Variants in DLC1 observed in about 807,000 individuals in gnomAD.
The protein encoded by DLC1 is rho GTPase-activating protein 7.
A neutral mutation model predicts 140.3 loss-of-function variants in DLC1; 54 were observed. The ratio of observed to expected loss-of-function variants is 0.38; its 90% CI spans 0.31 to 0.48. The LOEUF (loss-of-function observed/expected upper bound fraction) is 0.48, where lower values mean the gene tolerates loss of function less well. Ranked by LOEUF, DLC1 falls within the 20% of genes least tolerant of loss-of-function variation. The pLI is 0.96. For synonymous variants in DLC1, 986 were observed against 728.1 expected, an observed-to-expected ratio of 1.35 and a Z score of -5.70; for missense variants, 2,536 against 1,907.0, an observed-to-expected ratio of 1.33 and a Z score of -6.14.
intron 4 of DLC1, among the ~76,000 whole-genome samples, chr8:13,390,013 A>C (rs1333549389): frequency 6.6e-6 from 1 of 152,284 alleles, no homozygotes; most frequent in East Asian, 1.9e-4. Flanking sequence ...CTCTTCATAA[A>C]GTATCTAGAC....
intron 2 of DLC1, among the ~76,000 whole-genome samples, chr8:13,486,872 A>T (rs930581289): frequency 3.3e-5 from 5 of 152,204 alleles, no homozygotes; most frequent in African/African-American, 1.2e-4. Context: ...TAAAGTCCCA[A>T]CTACACAACA....
intron 4 of DLC1, among the ~76,000 whole-genome samples, chr8:13,383,663 A>G (rs1836374253): frequency 6.6e-6 from 1 of 152,186 alleles, no homozygotes; most frequent in Non-Finnish European, 1.5e-5. Flanking sequence ...CGTGATCAGT[A>G]CAGTACAGAA....
chr8:13,352,874 A>G (rs1253088923), intron 4 of DLC1, among the ~76,000 whole-genome samples: 1 of 152,192 alleles, frequency 6.6e-6, no homozygotes, highest in Non-Finnish European at 1.5e-5. Flanking sequence ...GAGTATTTTA[A>G]AATACCCAAG....
At chr8:13,163,889 G>A (rs944452181) in intron 5 of DLC1, among the ~76,000 whole-genome samples, 8 of 152,004 alleles carry the variant, frequency 5.3e-5, no homozygotes, top group African/African-American at 1.7e-4. Flanking sequence ...TGCCCAGTCC[G>A]GGCTACTCAG....
At chr8:13,583,597 A>G (rs1339848949) in intron 1 of DLC1, among the ~76,000 whole-genome samples, 1 of 152,264 alleles carries the variant, frequency 6.6e-6, no homozygotes, top group African/African-American at 2.4e-5. Flanking sequence ...AGTTAGGCAC[A>G]ATAAAGTGAA....
chr8:13,266,661 C>T (rs1408683743), intron 5 of DLC1, among the ~76,000 whole-genome samples: 1 of 152,108 alleles, frequency 6.6e-6, no homozygotes, highest in Admixed American at 6.5e-5. Flanking sequence ...ACAAGAATCA[C>T]TTGAATCTGG....
chr8:13,214,469 T>G (rs929652468), intron 5 of DLC1: 4 of 644,928 alleles, frequency 6.2e-6, no homozygotes, highest in Non-Finnish European at 1.1e-5. Flanking sequence ...CTGTGCTGAC[T>G]GTTGGTATCT....
At chr8:13,330,489 C>G (rs1227065383) in intron 4 of DLC1, among the ~76,000 whole-genome samples, 1 of 152,192 alleles carries the variant, frequency 6.6e-6, no homozygotes, top group South Asian at 2.1e-4. Flanking sequence ...CCATGCCACC[C>G]TCCTTTAGCA....
At chr8:13,413,698 A>G (rs1837915038) in intron 2 of DLC1, among the ~76,000 whole-genome samples, 1 of 151,952 alleles carries the variant, frequency 6.6e-6, no homozygotes, top group Non-Finnish European at 1.5e-5. Context: ...TGATGGTTTT[A>G]AACGTGGTGT....
intron 9 of DLC1, among the ~76,000 whole-genome samples, chr8:13,099,049 G>C (rs1818750461): frequency 6.6e-6 from 1 of 151,924 alleles, no homozygotes; most frequent in African/African-American, 2.4e-5. Flanking sequence ...AATATAAAGT[G>C]CACCATTTTC....
chr8:13,313,882 A>G (rs1439706460), intron 4 of DLC1, among the ~76,000 whole-genome samples: 8 of 152,254 alleles, frequency 5.3e-5, no homozygotes, highest in African/African-American at 1.7e-4. Context: ...TTGTCACCCC[A>G]AACTAGCTAT....
chr8:13,178,435 G>C (rs1008694851), intron 5 of DLC1, among the ~76,000 whole-genome samples: 1 of 151,912 alleles, frequency 6.6e-6, no homozygotes, highest in Non-Finnish European at 1.5e-5. Flanking sequence ...GGTGGCGGGC[G>C]CCTGTAGTTC....
In DLC1 at chr8:13,084,082, C is replaced by G. The variant is rs989061458; in HGVS notation, c.*1729G>C. On this transcript the variant is annotated 3_prime_UTR_variant, in exon 18 of 18. Coordinates refer to ENST00000276297, the MANE Select transcript of DLC1 (RefSeq NM_182643.3). ...GAAAAAAGCCTTGAGGTACAAAACC[C>G]AAAAGAATATCTGAGGTATAAATAC... The G allele has an allele frequency of 1.6e-4, 24 of 152,594 alleles. No individual in the cohort carries two copies. Among genetic ancestry groups the G allele is most frequent in the African/African-American group, 5.8e-4 (24 of 41,538 alleles). 9.5% of individuals were successfully genotyped at this position (152,594 alleles called of 1,614,324 possible).
intron 12 of DLC1, 21 bp from the exon 13 acceptor site, chr8:13,092,846 C>T (rs2289555): frequency 6.2e-7 from 1 of 1,603,172 alleles, no homozygotes; most frequent in South Asian, 1.1e-5. Flanking sequence ...CCAGCACTTT[C>T]TCCATCAGCT....
At chr8:13,492,310 T>A (rs896391205) in intron 2 of DLC1, among the ~76,000 whole-genome samples, 2 of 152,110 alleles carry the variant, frequency 1.3e-5, no homozygotes, top group African/African-American at 4.8e-5. Flanking sequence ...AAGTTCATGT[T>A]CCCTGTCTCT....
intron 3 of DLC1, among the ~76,000 whole-genome samples, chr8:13,396,023 A>T (rs922760203): frequency 6.6e-6 from 1 of 151,238 alleles, no homozygotes; most frequent in Admixed American, 6.6e-5. Flanking sequence ...TTTGACCTTT[A>T]GGTATATCAG....
At chr8:13,591,619 A>G (rs1805518899) in intron 1 of DLC1, among the ~76,000 whole-genome samples, 1 of 152,086 alleles carries the variant, frequency 6.6e-6, no homozygotes, top group Non-Finnish European at 1.5e-5. Flanking sequence ...ACAGGGGGAT[A>G]AATATTAGGA....
chr8:13,338,355 G>A (rs1195245455), intron 4 of DLC1, among the ~76,000 whole-genome samples: 1 of 152,202 alleles, frequency 6.6e-6, no homozygotes, highest in Non-Finnish European at 1.5e-5. Context: ...GGTTGAGGCT[G>A]TAGCTGGCAC....
At chr8:13,483,449 G>C (rs901059454) in intron 2 of DLC1, among the ~76,000 whole-genome samples, 1 of 152,174 alleles carries the variant, frequency 6.6e-6, no homozygotes, top group Non-Finnish European at 1.5e-5. Context: ...GTACTTGCAG[G>C]ATGCACAGAG....
Sources: gnomAD v4.1 joint callset for allele counts (sites outside exome capture counted in the v4.1 genomes callset) on GRCh38, gnomAD v4.1.1 for gene constraint, MANE v1.5 for transcripts, NCBI Gene and HGNC (gene_info 2026-07-23, HGNC 2026-07-21) for gene names.